Variants in AGAP1 observed in about 807,000 individuals in gnomAD.
The protein encoded by AGAP1 is arf-GAP with GTPase, ANK repeat and PH domain-containing protein 1.
AGAP1 carries 29 observed loss-of-function variants against 105.3 expected under a neutral mutation model. The ratio of observed to expected loss-of-function variants is 0.28; its 90% CI spans 0.21 to 0.38. The LOEUF is 0.38. Among genes scored for constraint, AGAP1 ranks in the 10% least tolerant of loss-of-function variants. The pLI, the probability that AGAP1 is intolerant of heterozygous loss-of-function variation, is 1.00. For synonymous variants in AGAP1, 509 were observed against 485.9 expected (o/e 1.05, Z -0.63); for missense variants, 998 against 1,165.1 (o/e 0.86, Z 2.09).
intron 1 of AGAP1, among the ~76,000 whole-genome samples, chr2:235,707,580 G>A (rs13025985): frequency 0.011 from 1,346 of 125,744 alleles, 42 homozygotes; most frequent in African/African-American, 0.039. Flanking sequence ...GCTCCCCAGC[G>A]TGTGACATGG....
rs1946524394 is a variant in AGAP1 at position 235,622,723 on chromosome 2, T to C, written c.164-86456T>C. On this transcript the variant is annotated intron_variant, in intron 1 of 17. Transcript: ENST00000304032. This position sits in a 1 kb window ranked among gnomAD's most constrained non-coding sequence, Gnocchi z 5.0. ...ATCACTTGGACCACGGTAGCTAATG[T>C]TTGTAGCGCGCTCACGTATGCCAGA... 6.6e-6 allele frequency among the ~76,000 whole-genome samples: 1 copy of C among 151,976 alleles called. No individual in the cohort carries two copies. Among genetic ancestry groups the C allele is most frequent in the Admixed American group, 6.6e-5 (1 of 15,238 alleles).
chr2:236,016,114 AT>A lies in AGAP1; in HGVS notation c.1646-20437del, dbSNP rs201015791. Among the ~76,000 whole-genome samples the A allele has an allele frequency of 2.9e-4, 43 of 150,548 alleles. 1 individual carries two copies. Among genetic ancestry groups the A allele is most frequent in the South Asian group, 6.3e-4 (3 of 4,736 alleles). On this transcript the variant is annotated intron_variant, in intron 13 of 17. Coordinates refer to ENST00000304032, the MANE Select transcript of AGAP1 (RefSeq NM_001037131.3). ...GTTAAAGAGCCATTTTTTAATCATA[AT>A]TTTTTTTTTCATTTCTCAAGGGAAA...
rs57413606 is a variant in AGAP1, at chr2:236,105,841, C to T, written c.2115-14351C>T. Among the ~76,000 whole-genome samples, 52,017 of 152,044 alleles carry T rather than the reference C, an allele frequency of 0.34. 9,600 individuals carry two copies. Among genetic ancestry groups the T allele is most frequent in the Middle Eastern group, 0.48 (142 of 294 alleles). The stretch of plus-strand genomic sequence containing the variant: ...CTCGATCTCCTGACCTCATGATCCA[C>T]CCTCCTCGGCCTCCCAAAGTGCTGG... On this transcript the variant is annotated intron_variant, in intron 16 of 17. Transcript: ENST00000304032. The surrounding 1 kb of genome is among the most constrained non-coding windows in gnomAD (Gnocchi z 4.2).
At chr2:235,641,417 C>T (rs1251162684) in intron 1 of AGAP1, among the ~76,000 whole-genome samples, 1 of 147,456 alleles carries the variant, frequency 6.8e-6, no homozygotes, top group Non-Finnish European at 1.5e-5. Flanking sequence ...AGAAATGCCT[C>T]TCCTCTCCCC....
intron 6 of AGAP1, chr2:235,783,506 G>T (rs1461779377): frequency 5.3e-6 from 2 of 374,196 alleles, no homozygotes; most frequent in East Asian, 8.3e-5. Context: ...GAGAGAAAAA[G>T]ACCTTGTGAC....
At position 236,046,996 on chromosome 2, in the gene AGAP1, A is replaced by G. The variant is rs542281874; in HGVS notation, c.1892-2063A>G. Among the ~76,000 whole-genome samples, 1 of 152,128 alleles carries G rather than the reference A, an allele frequency of 6.6e-6. No individual in the cohort carries two copies. Among genetic ancestry groups the G allele is most frequent in the South Asian group, 2.1e-4 (1 of 4,832 alleles). On this transcript the variant is annotated intron_variant, in intron 15 of 17. Transcript: ENST00000304032. The surrounding 1 kb of genome is among the most constrained non-coding windows in gnomAD (Gnocchi z 5.2). ...TGTAAGAAGTTAGCCAGGCATGGTG[A>G]TGTGCACCTGTAGTCCCAGCTACTC...
chr2:235,869,796 A>C (rs541065948), intron 9 of AGAP1, among the ~76,000 whole-genome samples: 5 of 152,310 alleles, frequency 3.3e-5, no homozygotes, highest in African/African-American at 1.2e-4. Flanking sequence ...GGCTGACGTG[A>C]AAAGGTCACT....
At chr2:235,926,537 G>A (rs551092373) in intron 11 of AGAP1, among the ~76,000 whole-genome samples, 38 of 152,296 alleles carry the variant, frequency 2.5e-4, no homozygotes, top group African/African-American at 9.1e-4. Flanking sequence ...CAATATTTCT[G>A]ACCCTGTGTA....
intron 12 of AGAP1, among the ~76,000 whole-genome samples, chr2:235,966,008 C>T (rs183068952): frequency 8.0e-6 from 1 of 125,594 alleles, no homozygotes; most frequent in African/African-American, 3.1e-5. Flanking sequence ...GAGCCCTTTC[C>T]TCTGGGGATG....
chr2:235,985,296 G>A (rs1016411764), intron 13 of AGAP1, among the ~76,000 whole-genome samples: 1 of 152,046 alleles, frequency 6.6e-6, no homozygotes, highest in Non-Finnish European at 1.5e-5. Flanking sequence ...TTTTTGATGG[G>A]GTTGTTTGTT....
At position 235,930,928 on chromosome 2, in the gene AGAP1, GA is replaced by G; in HGVS notation, c.1483+6del. On this transcript the variant is annotated splice_donor_region_variant and intron_variant, in intron 12 of 17. Coordinates refer to ENST00000304032, the MANE Select transcript of AGAP1 (RefSeq NM_001037131.3). This position sits in a 1 kb window ranked among gnomAD's most constrained non-coding sequence, Gnocchi z 7.9. ...CAAACTCGGCCATCAGCAGTGGTAAGAGGGGGCTCAGCCCCACGGACCCGCA... is the reference window on the plus strand; with the variant it reads ...CAAACTCGGCCATCAGCAGTGGTAAGGGGGGCTCAGCCCCACGGACCCGCA... 1 of 1,613,258 alleles carries G rather than the reference GA, an allele frequency of 6.2e-7. No individual in the cohort carries two copies. Among genetic ancestry groups the G allele is most frequent in the Non-Finnish European group, 8.5e-7 (1 of 1,179,594 alleles).
chr2:235,494,874 C>A, intron 1 of AGAP1, 25 bp downstream of exon 1: 1 of 1,539,204 alleles, frequency 6.5e-7, no homozygotes, highest in Non-Finnish European at 8.8e-7. Flanking sequence ...GCCTTGGGGC[C>A]TCGGGAAGGC....
At position 235,747,300 on chromosome 2, in the gene AGAP1, GAAAGTACCCCCATTTAT is replaced by G; in HGVS notation, c.538+2462_538+2478del. ...ATGAAGTTGAAGTCCTTGAGTAAAA[GAAAGTACCCCCATTTAT>G]TCCCATGAATTCCATGAACATCCGT... On this transcript the variant is annotated intron_variant, in intron 5 of 17. Coordinates refer to ENST00000304032, the MANE Select transcript of AGAP1 (RefSeq NM_001037131.3). This position sits in a 1 kb window ranked among gnomAD's most constrained non-coding sequence, Gnocchi z 5.0. Among the ~76,000 whole-genome samples, 1 of 152,130 alleles carries G rather than the reference GAAAGTACCCCCATTTAT, an allele frequency of 6.6e-6. No homozygotes were observed. The highest frequency in any genetic ancestry group is 2.1e-4 in the South Asian group (1 of 4,832).
rs549727492 is a variant in AGAP1 at position 235,653,193 on chromosome 2, C to T, written c.164-55986C>T. 5.3e-5 allele frequency among the ~76,000 whole-genome samples: 8 copies of T among 152,114 alleles called. No individual in the cohort carries two copies. In the East Asian group the frequency reaches 1.4e-3, roughly 26 times the overall value. ...CTTAAGGGCACATTCCGGCCGGGCG[C>T]AGTGGCTCATGCCTGTAATCCCAGC... On this transcript the variant is annotated intron_variant, in intron 1 of 17. Coordinates refer to ENST00000304032, the MANE Select transcript of AGAP1 (RefSeq NM_001037131.3).
chr2:236,023,907 G>A (rs760510996), intron 13 of AGAP1, among the ~76,000 whole-genome samples: 6 of 152,110 alleles, frequency 3.9e-5, no homozygotes, highest in African/African-American at 7.2e-5. Context: ...ATTCTCATCC[G>A]GTCATTGAAG....
Position 235,904,354 on chromosome 2 carries a change from C to T in AGAP1, c.1156-4384C>T, listed in dbSNP as rs977654159. 3.9e-5 allele frequency among the ~76,000 whole-genome samples: 6 copies of T among 152,066 alleles called. No homozygotes were observed. Among genetic ancestry groups the T allele is most frequent in the African/African-American group, 7.2e-5 (3 of 41,392 alleles). ...TGGCGCCTGCTTGGAAAAAATAAGC[C>T]GCATGATGATCATGGACAACTTGAG... is the stretch of plus-strand genomic sequence containing the variant. On this transcript the variant is annotated intron_variant, in intron 10 of 17. Coordinates refer to ENST00000304032, the MANE Select transcript of AGAP1 (RefSeq NM_001037131.3). This position sits in a 1 kb window ranked among gnomAD's most constrained non-coding sequence, Gnocchi z 4.2.
intron 13 of AGAP1, among the ~76,000 whole-genome samples, chr2:235,990,018 T>A (rs758855636): frequency 3.3e-5 from 5 of 151,948 alleles, no homozygotes; most frequent in African/African-American, 1.2e-4. Context: ...CTCACGGAGA[T>A]TCAGACTCAT....
At chr2:235,950,467 TG>T in intron 12 of AGAP1, among the ~76,000 whole-genome samples, 1 of 151,822 alleles carries the variant, frequency 6.6e-6, no homozygotes, top group Middle Eastern at 3.4e-3. Flanking sequence ...AGCAAAGGGA[TG>T]TACTCCTGAG....
rs1414775804 is a variant in AGAP1 at position 236,055,261 on chromosome 2, A to G, written c.2114+5980A>G. 6.6e-6 allele frequency among the ~76,000 whole-genome samples: 1 copy of G among 152,138 alleles called. No homozygotes were observed. The highest frequency in any genetic ancestry group is 1.5e-5 in the Non-Finnish European group (1 of 68,030). ...ATCAGAGTTAACAATTATAGCAAGG[A>G]CAGTTTAACTTTCTTCTTCGCCGTG... On this transcript the variant is annotated intron_variant, in intron 16 of 17. Coordinates refer to ENST00000304032, the MANE Select transcript of AGAP1 (RefSeq NM_001037131.3). The surrounding 1 kb of genome is among the most constrained non-coding windows in gnomAD (Gnocchi z 6.2).
Sources: gnomAD v4.1 joint callset for allele counts (sites outside exome capture counted in the v4.1 genomes callset) on GRCh38, gnomAD v4.1.1 for gene constraint, Gnocchi (gnomAD v3.1) non-coding constraint, MANE v1.5 for transcripts, NCBI Gene and HGNC (gene_info 2026-07-23, HGNC 2026-07-21) for gene names.